The following USP44 variants were observed in gnomAD, a reference collection of about 807,000 sequenced individuals.
USP44 encodes the protein ubiquitin carboxyl-terminal hydrolase 44.
A neutral mutation model predicts 69.0 loss-of-function variants in USP44; 61 were observed. The observed-to-expected ratio is 0.88, with a 90% CI of 0.72 to 1.09. The LOEUF (loss-of-function observed/expected upper bound fraction) is 1.09, where lower values mean the gene tolerates loss of function less well. Ranked by LOEUF, USP44 falls within the 50% of genes least tolerant of loss-of-function variation. The probability of loss-of-function intolerance (pLI) is 0.00; values close to 1 mark genes in which losing one functional copy is unlikely to be tolerated. For missense variants in USP44, 753 were observed against 849.9 expected (o/e 0.89, Z 1.42); for synonymous variants, 297 against 295.4 (o/e 1.01, Z -0.06).
At chr12:95,531,739 TA>T (rs534810713) in intron 2 of USP44, among the ~76,000 whole-genome samples, 1 of 152,308 alleles carries the variant, frequency 6.6e-6, no homozygotes, top group South Asian at 2.1e-4. Context: ...AAGATGGCCT[TA>T]TTACAATGCA....
At chr12:95,530,602 T>C (rs2076985560) in intron 2 of USP44, among the ~76,000 whole-genome samples, 1 of 151,778 alleles carries the variant, frequency 6.6e-6, no homozygotes, top group African/African-American at 2.4e-5. Flanking sequence ...AATACATTTA[T>C]AAAGGAAAAA....
At chr12:95,541,456 A>AT (rs1270588599) in intron 1 of USP44, among the ~76,000 whole-genome samples, 1 of 151,978 alleles carries the variant, frequency 6.6e-6, no homozygotes, top group Non-Finnish European at 1.5e-5. Flanking sequence ...GCGTGTGCCT[A>AT]TAAGCCCAGC....
rs768182129 is a variant in USP44 at position 95,534,041 on chromosome 12, C to T, written c.216G>A (p.Val72=). Residue 72 remains valine, a synonymous_variant, in exon 2 of 6, where the codon GTG becomes GTA. Transcript: ENST00000258499. Reference sequence around the variant, plus strand: ...GGTAACAAAAAACGTACATCTCATTCACCTCCAATGCAACAGGATGACTGC... The same window carrying T: ...GGTAACAAAAAACGTACATCTCATTTACCTCCAATGCAACAGGATGACTGC... ...QESSHPVALE[V]NEMYVFCYLC... 6.2e-7 allele frequency: 1 copy of T among 1,614,170 alleles called. No homozygotes were observed. The highest frequency in any genetic ancestry group is 1.1e-5 in the South Asian group (1 of 91,084).
Position 95,533,606 on chromosome 12 carries a change from T to C in USP44, c.651A>G (p.Gln217=), listed in dbSNP as rs767162826. The change falls in exon 2 of 6, where the codon CAA becomes CAG. Residue 217 remains glutamine (Q), a synonymous_variant. Transcript: ENST00000258499. ...SMPPRKSLRL[Q]GLAQSTIIEI... The stretch of plus-strand genomic sequence containing the variant: ...CTATTATGGTCGACTGAGCGAGCCC[T>C]TGTAAACGTAAACTCTTTCTTGGAG... 3.7e-6 allele frequency: 6 copies of C among 1,613,712 alleles called. No individual in the cohort carries two copies. The South Asian group carries it at 4.4e-5, about 12-fold the overall frequency.
At chr12:95,520,494 A>T (rs2076625375) in intron 5 of USP44, among the ~76,000 whole-genome samples, 1 of 148,434 alleles carries the variant, frequency 6.7e-6, no homozygotes, top group Non-Finnish European at 1.5e-5. Flanking sequence ...TCCATCTCAC[A>T]AAAAAAAAAG....
chr12:95,526,306 C>T (rs2140246371), intron 3 of USP44, among the ~76,000 whole-genome samples: 1 of 152,350 alleles, frequency 6.6e-6, no homozygotes, highest in East Asian at 1.9e-4. Context: ...GGCGCGGTGG[C>T]TCGCGCCTGT....
In USP44 at chr12:95,518,133, G is replaced by A; in HGVS notation, c.*21C>T. The A allele has an allele frequency of 6.2e-7, 1 of 1,612,824 alleles. No homozygotes were observed. The highest frequency in any genetic ancestry group is 8.5e-7 in the Non-Finnish European group (1 of 1,179,268). On this transcript the variant is annotated 3_prime_UTR_variant, in exon 6 of 6. Transcript: ENST00000258499. Reference sequence around the variant, plus strand: ...AAAGTATATATATAAATCACAGGAAGAAAACCCCATTGTCTTTGGATCAGC... The same window carrying A: ...AAAGTATATATATAAATCACAGGAAAAAAACCCCATTGTCTTTGGATCAGC...
intron 1 of USP44, among the ~76,000 whole-genome samples, chr12:95,538,686 C>T (rs1246220622): frequency 1.3e-5 from 2 of 152,144 alleles, no homozygotes; most frequent in Non-Finnish European, 2.9e-5. Context: ...AAGGGGTAGA[C>T]GACAGAGGCA....
rs140534107 is a variant in USP44 at position 95,533,550 on chromosome 12, G to A, written c.707C>T (p.Thr236Met). 4.5e-5 allele frequency: 72 copies of A among 1,613,424 alleles called. No homozygotes were observed. Among genetic ancestry groups the A allele is most frequent in the African/African-American group, 3.5e-4 (26 of 74,892 alleles). Residue 236 changes from threonine (T) to methionine (M), a missense_variant, in exon 2 of 6, where the codon ACG (threonine) becomes ATG (methionine). By Grantham distance (81) the Thr-to-Met change is moderately conservative (BLOSUM62 -1). Transcript: ENST00000258499. The part of the protein sequence containing the change: ...EIVSVQVPAQ[T>M]PASPAKDKVL... ...TTTATCTTTTGCTGGTGATGCTGGC[G>A]TTTGTGCTGGCACCTGAACAGAAAC...
rs1423615299 is a variant in USP44, at chr12:95,534,008, A to G, written c.249T>C (p.Asp83=). 1 of 1,614,192 alleles carries G rather than the reference A, an allele frequency of 6.2e-7. No homozygotes were observed. Among genetic ancestry groups the G allele is most frequent in the Admixed American group, 1.7e-5 (1 of 60,018 alleles). The change falls in exon 2 of 6, where the codon GAT becomes GAC. Residue 83 remains aspartate (D), a synonymous_variant. Transcript: ENST00000258499. ...NEMYVFCYLC[D]DYVLNDNTTG... ...TTGTGTTATCATTCAGAACATAATCATCACAAAGGTAACAAAAAACGTACA... is the reference window on the plus strand; with the variant it reads ...TTGTGTTATCATTCAGAACATAATCGTCACAAAGGTAACAAAAAACGTACA...
rs1253245406 is a variant in USP44 at position 95,534,361 on chromosome 12, T to A, written c.-70-35A>T. On this transcript the variant is annotated intron_variant, in intron 1 of 5. Transcript: ENST00000258499. ...ACAATGTCAAGTGTTAATAACAAGA[T>A]GCTAATATTTTTCATATTTTTTCCC... is the stretch of plus-strand genomic sequence containing the variant. 2.7e-6 allele frequency: 3 copies of A among 1,105,410 alleles called. No individual in the cohort carries two copies. The African/African-American group carries it at 4.7e-5, about 17-fold the overall frequency. The allele number at this position is 1,105,410 out of a possible 1,614,324, so 68.5% of individuals were successfully genotyped here.
chr12:95,524,953 G>C (rs2076789391), intron 3 of USP44, among the ~76,000 whole-genome samples, 165 bp from the exon 4 acceptor site: 1 of 152,230 alleles, frequency 6.6e-6, no homozygotes, highest in Non-Finnish European at 1.5e-5. Context: ...AGAAACTCAT[G>C]ATCCACAATT....
At chr12:95,543,123 G>A (rs1376455274) in intron 1 of USP44, among the ~76,000 whole-genome samples, 11 of 149,176 alleles carry the variant, frequency 7.4e-5, no homozygotes, top group African/African-American at 2.5e-4. Context: ...AAGTCCTGCC[G>A]GGCACTGTGG....
At chr12:95,536,492 T>C (rs10498964) in intron 1 of USP44, among the ~76,000 whole-genome samples, 15,000 of 152,128 alleles carry the variant, frequency 0.099, 798 homozygotes, top group East Asian at 0.23. Context: ...CATCAGTGAT[T>C]TATATATTCC....
At chr12:95,527,443 C>G (rs2076877951) in intron 3 of USP44, among the ~76,000 whole-genome samples, 1 of 152,076 alleles carries the variant, frequency 6.6e-6, no homozygotes, top group African/African-American at 2.4e-5. Context: ...TTAACTCCCA[C>G]TACATATACA....
chr12:95,524,879 G>A, intron 3 of USP44, 91 bp from the exon 4 acceptor site: 1 of 1,164,710 alleles, frequency 8.6e-7, no homozygotes, highest in Non-Finnish European at 1.2e-6. Context: ...AGTCAGAAAT[G>A]AAAAGTATGT....
chr12:95,548,637 C>G lies in USP44; in HGVS notation c.-71+2635G>C, dbSNP rs937412029. 4 of 152,210 alleles carry G rather than the reference C, an allele frequency of 2.6e-5. No individual in the cohort carries two copies. Among genetic ancestry groups the G allele is most frequent in the African/African-American group, 9.7e-5 (4 of 41,432 alleles). The allele number at this position is 152,210 out of a possible 1,614,324, so 9.4% of individuals were successfully genotyped here. On this transcript the variant is annotated intron_variant, in intron 1 of 5. Coordinates refer to ENST00000258499, the MANE Select transcript of USP44 (RefSeq NM_032147.5). The surrounding 1 kb of genome is among the most constrained non-coding windows in gnomAD (Gnocchi z 4.1). ...GCCCCAGGCTCTCCCTCTCTCAGGACCCCCCAGCGCCCTGCGCGGCGAGAA... is the reference window on the plus strand; with the variant it reads ...GCCCCAGGCTCTCCCTCTCTCAGGAGCCCCCAGCGCCCTGCGCGGCGAGAA...
rs570414098 is a variant in USP44, at chr12:95,521,316, T to C, written c.1734-114A>G. On this transcript the variant is annotated intron_variant, in intron 4 of 5. Coordinates refer to ENST00000258499, the MANE Select transcript of USP44 (RefSeq NM_032147.5). ...GCAGCATGGAATACAAAGTATCATA[T>C]GTAATATAAAATGATGTCAATGCTG... 63 of 961,594 alleles carry C rather than the reference T, an allele frequency of 6.6e-5. No homozygotes were observed. In the Admixed American group the frequency reaches 9.8e-4, roughly 15 times the overall value. The allele number at this position is 961,594 out of a possible 1,614,324, so 59.6% of individuals were successfully genotyped here.
chr12:95,533,754 T>C lies in USP44; in HGVS notation c.503A>G (p.Gln168Arg). ...TTGCTTTTTTCTTCCAATGGGTGAT[T>C]GTTCAAACCATGTTCGAAAGATTTT... ...MGKIFRTWFE[Q>R]SPIGRKKQEE... Residue 168 changes from glutamine to arginine, a missense_variant, in exon 2 of 6, where the codon CAA (glutamine) becomes CGA (arginine). Gln to Arg is a conservative substitution (Grantham distance 43). Transcript: ENST00000258499. 2 of 1,614,214 alleles carry C rather than the reference T, an allele frequency of 1.2e-6. No homozygotes were observed. The highest frequency in any genetic ancestry group is 1.7e-6 in the Non-Finnish European group (2 of 1,180,044).
Sources: allele counts gnomAD v4.1 joint callset (sites outside exome capture counted in the v4.1 genomes callset), GRCh38; gene constraint gnomAD v4.1.1; non-coding constraint Gnocchi (gnomAD v3.1); transcripts MANE v1.5; gene names NCBI Gene and HGNC (gene_info 2026-07-23, HGNC 2026-07-21).